SDK1: variants seen among roughly 807,000 people sequenced by gnomAD.
SDK1 encodes sidekick cell adhesion molecule 1.
A neutral mutation model predicts 245.5 loss-of-function variants in SDK1; 157 were observed. The ratio of observed to expected loss-of-function variants is 0.64; its 90% CI spans 0.56 to 0.73. The LOEUF is 0.73. Among genes scored for constraint, SDK1 ranks in the 30% least tolerant of loss-of-function variants. The pLI is 0.00. For missense variants in SDK1, 3,583 were observed against 3,002.3 expected (o/e 1.19, Z -4.52); for synonymous variants, 1,647 against 1,278.5 (o/e 1.29, Z -6.15).
chr7:3,984,379 G>C (rs1783655449), intron 13 of SDK1, among the ~76,000 whole-genome samples: 2 of 152,136 alleles, frequency 1.3e-5, no homozygotes, highest in African/African-American at 4.8e-5. Flanking sequence ...TCTCACCTTG[G>C]GCTAAGAGAA....
chr7:4,088,258 G>A (rs868487735), intron 22 of SDK1, among the ~76,000 whole-genome samples: 2 of 152,186 alleles, frequency 1.3e-5, no homozygotes, highest in African/African-American at 4.8e-5. Context: ...CATATCATCT[G>A]TTAATGGCGA....
At chr7:4,166,181 C>T (rs1372218029) in intron 32 of SDK1, among the ~76,000 whole-genome samples, 2 of 152,232 alleles carry the variant, frequency 1.3e-5, no homozygotes, top group African/African-American at 2.4e-5. Flanking sequence ...AAGGCACCTT[C>T]CCAGAGGAGG....
intron 22 of SDK1, among the ~76,000 whole-genome samples, chr7:4,087,029 CAAA>C (rs34730685): frequency 8.4e-6 from 1 of 119,456 alleles, no homozygotes; most frequent in Non-Finnish European, 1.8e-5. Context: ...TTTTGCCATG[CAAA>C]AAAAAAAAAA....
chr7:4,233,223 C>T (rs1379671388), intron 40 of SDK1, 32 bp from the exon 41 acceptor site: 1 of 1,601,062 alleles, frequency 6.2e-7, no homozygotes, highest in Non-Finnish European at 8.5e-7. Context: ...GCACTTCTAA[C>T]CTCTGCTCTC....
intron 4 of SDK1, among the ~76,000 whole-genome samples, chr7:3,783,081 A>C (rs1458213065): frequency 6.6e-6 from 1 of 152,216 alleles, no homozygotes; most frequent in African/African-American, 2.4e-5. Context: ...CAAATCAATA[A>C]ATGTGATATA....
At chr7:3,729,420 A>G (rs987244947) in intron 4 of SDK1, among the ~76,000 whole-genome samples, 5 of 152,168 alleles carry the variant, frequency 3.3e-5, no homozygotes, top group African/African-American at 1.2e-4. Context: ...ACACTTAACA[A>G]TTTCTGGAGA....
chr7:3,465,955 T>G (rs1183047645), intron 1 of SDK1, among the ~76,000 whole-genome samples: 1 of 152,184 alleles, frequency 6.6e-6, no homozygotes, highest in Non-Finnish European at 1.5e-5. Flanking sequence ...TAATTTTCCA[T>G]CACTCTTTTT....
chr7:3,738,453 A>G (rs924112606), intron 4 of SDK1, among the ~76,000 whole-genome samples: 2 of 152,168 alleles, frequency 1.3e-5, no homozygotes, highest in South Asian at 2.1e-4. Flanking sequence ...CTGTAGCTCT[A>G]TAATTCATTT....
intron 17 of SDK1, 77 bp from the exon 18 acceptor site, chr7:4,049,271 G>C: frequency 9.4e-7 from 1 of 1,060,178 alleles, no homozygotes; most frequent in South Asian, 1.3e-5. Context: ...GGCAGCTAAG[G>C]GTTTCCTTTC....
intron 1 of SDK1, among the ~76,000 whole-genome samples, chr7:3,537,192 T>C (rs974002827): frequency 6.6e-6 from 1 of 152,228 alleles, no homozygotes; most frequent in African/African-American, 2.4e-5. Context: ...ATTAGTGTTT[T>C]CTGTTTGGAA....
intron 17 of SDK1, among the ~76,000 whole-genome samples, chr7:4,020,907 A>C (rs1458364754): frequency 2.0e-5 from 3 of 152,206 alleles, no homozygotes; most frequent in Non-Finnish European, 2.9e-5. Flanking sequence ...AGGCTTTCAA[A>C]ACAAGGAGAC....
chr7:3,680,766 C>T (rs1484694873), intron 4 of SDK1, among the ~76,000 whole-genome samples: 1 of 152,180 alleles, frequency 6.6e-6, no homozygotes, highest in East Asian at 1.9e-4. Flanking sequence ...CCAGATGCAA[C>T]TCCTCTTCCT....
At chr7:4,024,671 A>G (rs1787192455) in intron 17 of SDK1, among the ~76,000 whole-genome samples, 1 of 152,176 alleles carries the variant, frequency 6.6e-6, no homozygotes, top group Non-Finnish European at 1.5e-5. Flanking sequence ...TCATATCCCT[A>G]TTGGACAGAG....
chr7:3,824,697 G>A (rs973268994), intron 5 of SDK1, among the ~76,000 whole-genome samples: 4 of 152,110 alleles, frequency 2.6e-5, no homozygotes, highest in East Asian at 1.9e-4. Context: ...GTTCAAAAAC[G>A]TCACCCCTTT....
At chr7:3,488,051 C>T (rs1284347881) in intron 1 of SDK1, among the ~76,000 whole-genome samples, 1 of 152,150 alleles carries the variant, frequency 6.6e-6, no homozygotes, top group Non-Finnish European at 1.5e-5. Context: ...TTGTTTCCCC[C>T]ACACCTTTCA....
At chr7:3,699,649 C>T (rs1021487583) in intron 4 of SDK1, among the ~76,000 whole-genome samples, 4 of 152,018 alleles carry the variant, frequency 2.6e-5, no homozygotes, top group South Asian at 2.1e-4. Flanking sequence ...TCTGGGACTA[C>T]AATAAAAGAT....
chr7:3,428,996 C>T (rs963216998), intron 1 of SDK1, among the ~76,000 whole-genome samples: 11 of 152,118 alleles, frequency 7.2e-5, no homozygotes, highest in African/African-American at 2.7e-4. Context: ...GAAATAAGTT[C>T]AGTTAGTTCT....
Position 4,022,464 on chromosome 7 carries a change from C to T in SDK1, c.2602+5112C>T, listed in dbSNP as rs148287547. On this transcript the variant is annotated intron_variant, in intron 17 of 44. Coordinates refer to ENST00000404826, the MANE Select transcript of SDK1 (RefSeq NM_152744.4). ...TGGTGCAGCGTGCGCTACCATTAGG[C>T]GGGTGTGGAACTTGCTAGGCTGCCG... Among the ~76,000 whole-genome samples, 737 of 152,196 alleles carry T rather than the reference C, an allele frequency of 4.8e-3. 7 individuals carry two copies. The highest frequency in any genetic ancestry group is 0.017 in the African/African-American group (695 of 41,520).
At chr7:3,716,060 A>G (rs1419971285) in intron 4 of SDK1, among the ~76,000 whole-genome samples, 5 of 151,692 alleles carry the variant, frequency 3.3e-5, no homozygotes. Context: ...ATCGGTGAAT[A>G]TGAGGATAGA....
Sources: gnomAD v4.1 joint callset for allele counts (sites outside exome capture counted in the v4.1 genomes callset) on GRCh38, gnomAD v4.1.1 for gene constraint, MANE v1.5 for transcripts, NCBI Gene and HGNC (gene_info 2026-07-23, HGNC 2026-07-21) for gene names.